CALN1: variants seen among roughly 807,000 people sequenced by gnomAD.
CALN1 encodes the protein calneuron 1, also known as calcium-binding protein 8.
In CALN1, 17 loss-of-function variants were observed where a neutral mutation model predicts 30.6. The ratio of observed to expected loss-of-function variants is 0.56; its 90% CI spans 0.38 to 0.83. The LOEUF (loss-of-function observed/expected upper bound fraction) is 0.83, where lower values mean the gene tolerates loss of function less well. Among genes scored for constraint, CALN1 ranks in the 40% least tolerant of loss-of-function variants. CALN1 has a pLI of 0.00. For missense variants in CALN1, 291 were observed against 354.9 expected (o/e 0.82, Z 1.45); for synonymous variants, 156 against 131.4 (o/e 1.19, Z -1.28).
At chr7:72,403,899 G>A (rs924317550) in intron 1 of CALN1, among the ~76,000 whole-genome samples, 3 of 152,154 alleles carry the variant, frequency 2.0e-5, no homozygotes, top group Admixed American at 6.6e-5. Context: ...AAGGACTCTG[G>A]CCCAGCCTCC....
At chr7:72,221,601 G>C (rs57757447) in intron 3 of CALN1, among the ~76,000 whole-genome samples, 59 of 152,162 alleles carry the variant, frequency 3.9e-4, no homozygotes, top group South Asian at 8.3e-4. Context: ...ATAAAGCTGA[G>C]TGGCTGAGGC....
chr7:72,352,388 CAAAAA>C (rs59245091), intron 2 of CALN1, among the ~76,000 whole-genome samples: 12 of 82,044 alleles, frequency 1.5e-4, no homozygotes, highest in Non-Finnish European at 6.6e-5. Flanking sequence ...GACTCTGTCT[CAAAAA>C]AAAAAAAAAA....
chr7:72,336,322 C>T (rs947495206), intron 2 of CALN1, among the ~76,000 whole-genome samples: 2 of 152,136 alleles, frequency 1.3e-5, no homozygotes, highest in Admixed American at 6.5e-5. Context: ...ATCGCCCGGG[C>T]GCCTGCGGGC....
At chr7:72,245,042 C>T (rs775011780) in intron 3 of CALN1, among the ~76,000 whole-genome samples, 1 of 152,182 alleles carries the variant, frequency 6.6e-6, no homozygotes, top group Non-Finnish European at 1.5e-5. Flanking sequence ...TCAGCATCCT[C>T]ATCACCTTGC....
At chr7:71,978,262 C>CTATTT (rs1173448154) in intron 5 of CALN1, among the ~76,000 whole-genome samples, 2,743 of 72,876 alleles carry the variant, frequency 0.038, 125 homozygotes, top group Admixed American at 0.071. Flanking sequence ...CTAGAGAATT[C>CTATTT]TTTTTTTTTT....
intron 2 of CALN1, among the ~76,000 whole-genome samples, chr7:72,361,859 A>G (rs1315930998): frequency 6.6e-6 from 1 of 152,258 alleles, no homozygotes; most frequent in Non-Finnish European, 1.5e-5. Context: ...TTAAGCACGT[A>G]AAGTTATAAA....
At chr7:71,983,806 A>C (rs1180323147) in intron 5 of CALN1, among the ~76,000 whole-genome samples, 2 of 152,196 alleles carry the variant, frequency 1.3e-5, no homozygotes, top group Non-Finnish European at 2.9e-5. Context: ...TGCTGGGATT[A>C]CAGGCATGAG....
chr7:71,847,316 T>G (rs1387644811), intron 5 of CALN1, among the ~76,000 whole-genome samples: 1 of 151,984 alleles, frequency 6.6e-6, no homozygotes, highest in Non-Finnish European at 1.5e-5. Flanking sequence ...CCACAATTCT[T>G]GTGGTAGTGA....
intron 3 of CALN1, among the ~76,000 whole-genome samples, chr7:72,162,702 A>G (rs995251072): frequency 1.3e-5 from 2 of 152,154 alleles, no homozygotes; most frequent in East Asian, 3.9e-4. Context: ...TCATGCCACT[A>G]TACTCCACCT....
At chr7:72,238,744 T>A (rs950371879) in intron 3 of CALN1, among the ~76,000 whole-genome samples, 3 of 152,164 alleles carry the variant, frequency 2.0e-5, no homozygotes, top group Non-Finnish European at 4.4e-5. Context: ...CATGTTTGCT[T>A]CCCCTTCCAC....
At chr7:72,364,505 G>A (rs547229490) in intron 2 of CALN1, among the ~76,000 whole-genome samples, 1 of 152,152 alleles carries the variant, frequency 6.6e-6, no homozygotes, top group Non-Finnish European at 1.5e-5. Context: ...CATAAGGAAA[G>A]GAGTTTTGTG....
At chr7:72,151,220 C>G (rs1787218767) in intron 3 of CALN1, among the ~76,000 whole-genome samples, 4 of 152,110 alleles carry the variant, frequency 2.6e-5, no homozygotes, top group Admixed American at 2.6e-4. Context: ...CTCCAAGGGC[C>G]TTGGGCAAGA....
intron 5 of CALN1, among the ~76,000 whole-genome samples, chr7:71,828,772 G>A (rs941307469): frequency 2.7e-5 from 4 of 149,062 alleles, no homozygotes; most frequent in Middle Eastern, 7.0e-3. Flanking sequence ...TTTTTGAGAC[G>A]GAATCTCGCT....
At chr7:72,343,114 T>C (rs533546523) in intron 2 of CALN1, among the ~76,000 whole-genome samples, 2 of 152,272 alleles carry the variant, frequency 1.3e-5, no homozygotes, top group African/African-American at 4.8e-5. Context: ...GAAAAAGCTA[T>C]AACTGCCTCG....
chr7:72,154,498 G>A (rs971861651), intron 3 of CALN1, among the ~76,000 whole-genome samples: 3 of 152,150 alleles, frequency 2.0e-5, no homozygotes, highest in Admixed American at 2.0e-4. Flanking sequence ...CCATCTTGAG[G>A]ATACCAATGT....
Position 72,278,776 on chromosome 7 carries a change from A to T in CALN1, c.154T>A (p.Leu52Met). The change falls in exon 3 of 7, where the codon TTG (leucine) becomes ATG (methionine). Residue 52 changes from leucine (L) to methionine (M), a missense_variant. By Grantham distance (15) the Leu-to-Met change is conservative. This residue lies in a region of CALN1 where 122 missense variants were observed against 103.2 expected (regional missense o/e 1.18). Coordinates refer to ENST00000395275, the MANE Select transcript of CALN1 (RefSeq NM_031468.4). Reference protein sequence around the residue: ...KMPFHHVTAGLLYKGNYLNRS... With the variant: ...KMPFHHVTAGMLYKGNYLNRS... Reference sequence around the variant, plus strand: ...TTGAGGTAATTCCCCTTGTACAACAAGCCGGCGGTCACATGGTGGAACGGC... The same window carrying T: ...TTGAGGTAATTCCCCTTGTACAACATGCCGGCGGTCACATGGTGGAACGGC... 6.2e-7 allele frequency: 1 copy of T among 1,613,860 alleles called. No homozygotes were observed. The highest frequency in any genetic ancestry group is 8.5e-7 in the Non-Finnish European group (1 of 1,179,770).
chr7:72,487,562 T>C, the CALN1 span, among the ~76,000 whole-genome samples: 1 of 151,312 alleles, frequency 6.6e-6, no homozygotes, highest in African/African-American at 2.4e-5. Flanking sequence ...GGCAGGTACC[T>C]GTAATCCTAA....
At chr7:72,458,738 A>C in the CALN1 span, among the ~76,000 whole-genome samples, 1 of 104,924 alleles carries the variant, frequency 9.5e-6, no homozygotes, top group African/African-American at 3.9e-5. Context: ...ATTCTATATT[A>C]TATAATATAT....
intron 3 of CALN1, among the ~76,000 whole-genome samples, chr7:72,252,379 C>T (rs1415603065): frequency 2.6e-5 from 4 of 152,264 alleles, no homozygotes; most frequent in Non-Finnish European, 5.9e-5. Flanking sequence ...GCAGGCAGAT[C>T]ACTTGAGCTC....
Sources: allele counts gnomAD v4.1 joint callset (sites outside exome capture counted in the v4.1 genomes callset), GRCh38; gene constraint gnomAD v4.1.1; regional missense constraint gnomAD v4.1.1; transcripts MANE v1.5; gene names NCBI Gene and HGNC (gene_info 2026-07-23, HGNC 2026-07-21).